Variants in HS6ST2 observed in about 807,000 individuals in gnomAD.
HS6ST2 encodes heparan-sulfate 6-O-sulfotransferase 2.
A neutral mutation model predicts 33.0 loss-of-function variants in HS6ST2; 17 were observed. The observed-to-expected ratio is 0.52, with a 90% CI of 0.35 to 0.77. The LOEUF is 0.77. HS6ST2 is among the 30% of genes least tolerant of loss of function. HS6ST2 has a pLI of 0.01. For missense variants in HS6ST2, 519 were observed against 551.7 expected, an observed-to-expected ratio of 0.94 and a Z score of 0.59; for synonymous variants, 248 against 237.1, an observed-to-expected ratio of 1.05 and a Z score of -0.42.
At chrX:132,818,770 A>G (rs1246751219) in intron 2 of HS6ST2, among the ~76,000 whole-genome samples, 2 of 112,106 alleles carry the variant, frequency 1.8e-5, no homozygotes. Context: ...GGTGTGACCA[A>G]TTGGGAGTTT....
At chrX:132,860,635 G>T (rs1189190743) in intron 2 of HS6ST2, among the ~76,000 whole-genome samples, 5 of 111,571 alleles carry the variant, frequency 4.5e-5, no homozygotes, top group African/African-American at 1.6e-4. Context: ...TTCTGTGACT[G>T]TGTTTCCATT....
intron 3 of HS6ST2, among the ~76,000 whole-genome samples, chrX:132,681,062 C>T (rs1270319509): frequency 9.2e-6 from 1 of 109,224 alleles, no homozygotes; most frequent in Non-Finnish European, 1.9e-5. Context: ...GTTGCTTTTT[C>T]CCTGGTGCAC....
intron 4 of HS6ST2, among the ~76,000 whole-genome samples, chrX:132,651,497 T>C (rs1021046654): frequency 8.9e-6 from 1 of 112,271 alleles, no homozygotes; most frequent in African/African-American, 3.2e-5. Flanking sequence ...TTAAATACTC[T>C]TAGGCATGAG....
At chrX:132,949,793 AT>A (rs1165411883) in intron 2 of HS6ST2, among the ~76,000 whole-genome samples, 2 of 111,572 alleles carry the variant, frequency 1.8e-5, no homozygotes, top group East Asian at 5.6e-4. Flanking sequence ...ATATTCTATT[AT>A]TTTTTTCTTC....
intron 3 of HS6ST2, among the ~76,000 whole-genome samples, chrX:132,679,730 G>A (rs2063953611): frequency 9.3e-6 from 1 of 107,965 alleles, no homozygotes; most frequent in Non-Finnish European, 1.9e-5. Context: ...CTACAGCCTC[G>A]ACCATAGAAG....
intron 4 of HS6ST2, chrX:132,668,256 T>G (rs2063824950): frequency 9.0e-6 from 1 of 111,649 alleles, no homozygotes; most frequent in Non-Finnish European, 1.9e-5. Flanking sequence ...GATGAAGGTA[T>G]CTTTCATTTT....
intron 2 of HS6ST2, among the ~76,000 whole-genome samples, chrX:132,851,947 T>A (rs1468088434): frequency 1.8e-5 from 2 of 111,085 alleles, no homozygotes; most frequent in African/African-American, 6.6e-5. Context: ...TCCAGACCAG[T>A]CTGGGCAACA....
chrX:132,886,213 A>G (rs1029219579), intron 2 of HS6ST2, among the ~76,000 whole-genome samples: 1 of 111,935 alleles, frequency 8.9e-6, no homozygotes, highest in Non-Finnish European at 1.9e-5. Context: ...AAAATAACAA[A>G]TTTTTAAAAT....
chrX:132,810,103 G>A (rs1161274647), intron 2 of HS6ST2, among the ~76,000 whole-genome samples: 2 of 111,710 alleles, frequency 1.8e-5, no homozygotes, highest in Non-Finnish European at 3.8e-5. Flanking sequence ...TTAAGGGATA[G>A]CCTGCATCAG....
chrX:132,925,737 T>C (rs898856813), intron 2 of HS6ST2, among the ~76,000 whole-genome samples: 1 of 112,126 alleles, frequency 8.9e-6, no homozygotes, highest in African/African-American at 3.2e-5. Flanking sequence ...TATTTTAATA[T>C]TAGCAAGAAT....
intron 3 of HS6ST2, among the ~76,000 whole-genome samples, chrX:132,707,189 A>G (rs2064195080): frequency 8.9e-6 from 1 of 112,193 alleles, no homozygotes; most frequent in Non-Finnish European, 1.9e-5. Context: ...CATCCGCTCC[A>G]TTTTATTTTA....
At chrX:132,787,753 T>C (rs1357338960) in intron 2 of HS6ST2, among the ~76,000 whole-genome samples, 2 of 108,381 alleles carry the variant, frequency 1.8e-5, no homozygotes, top group East Asian at 6.0e-4. Flanking sequence ...TAGCTGGGCG[T>C]TGTGGTACAT....
chrX:132,741,552 G>A (rs1602629926), intron 2 of HS6ST2, among the ~76,000 whole-genome samples: 1 of 111,129 alleles, frequency 9.0e-6, no homozygotes, highest in South Asian at 3.9e-4. Flanking sequence ...AAAGTGCTGG[G>A]ATTACAGGCA....
At chrX:132,849,033 A>G (rs1055086611) in intron 2 of HS6ST2, among the ~76,000 whole-genome samples, 1 of 111,903 alleles carries the variant, frequency 8.9e-6, no homozygotes, top group African/African-American at 3.2e-5. Context: ...AGGTTTGGAG[A>G]GGTCTTCTAT....
At chrX:132,747,035 C>T (rs1377136121) in intron 2 of HS6ST2, among the ~76,000 whole-genome samples, 1 of 112,241 alleles carries the variant, frequency 8.9e-6, no homozygotes, top group Admixed American at 9.4e-5. Flanking sequence ...GGCTGGACCC[C>T]GTGCTATCCA....
chrX:132,772,792 T>C (rs1185597949), intron 2 of HS6ST2, among the ~76,000 whole-genome samples: 1 of 91,397 alleles, frequency 1.1e-5, no homozygotes, highest in Non-Finnish European at 2.0e-5. Context: ...TTATATATGA[T>C]ATAATATAAA....
intron 4 of HS6ST2, among the ~76,000 whole-genome samples, chrX:132,663,613 A>G (rs1366206667): frequency 8.8e-6 from 1 of 113,021 alleles, no homozygotes; most frequent in Non-Finnish European, 1.9e-5. Context: ...AGCTTTTGTG[A>G]TATTAGACTT....
intron 4 of HS6ST2, among the ~76,000 whole-genome samples, chrX:132,665,679 C>G (rs142453187): frequency 1.8e-5 from 2 of 110,935 alleles, no homozygotes; most frequent in Non-Finnish European, 3.8e-5. Flanking sequence ...AGTGGTCTGG[C>G]CTGATTGGTC....
chrX:132,786,620 A>C lies in HS6ST2; in HGVS notation c.948-78126T>G, dbSNP rs1400161737. Among the ~76,000 whole-genome samples the C allele has an allele frequency of 1.0e-4, 8 of 78,508 alleles. No homozygotes were observed. In the South Asian group the frequency reaches 4.9e-3, roughly 48 times the overall value. 68.2% of individuals were successfully genotyped at this position (78,508 alleles called of 115,157 possible). On this transcript the variant is annotated intron_variant, in intron 2 of 4. Coordinates refer to ENST00000370833, the MANE Select transcript of HS6ST2 (RefSeq NM_001394073.1). ...CTCTTTGCTTCCTGTCTTTGTTTCT[A>C]TTACTTTTTTTTTTTTGACAGAGTT...
Sources: gnomAD v4.1 joint callset for allele counts (sites outside exome capture counted in the v4.1 genomes callset) on GRCh38, gnomAD v4.1.1 for gene constraint, MANE v1.5 for transcripts, NCBI Gene and HGNC (gene_info 2026-07-23, HGNC 2026-07-21) for gene names.